The following CPEB1 variants were observed in gnomAD, a reference collection of about 807,000 sequenced individuals.
CPEB1 encodes the protein cytoplasmic polyadenylation element-binding protein 1.
Under a neutral mutation model 65.8 loss-of-function variants are expected in CPEB1, and 7 were observed. The observed-to-expected ratio is 0.11, with a 90% CI of 0.06 to 0.20. CPEB1 has a LOEUF of 0.20. Ranked by LOEUF, CPEB1 falls within the 10% of genes least tolerant of loss-of-function variation. CPEB1 has a pLI of 1.00. For missense variants in CPEB1, 551 were observed against 712.2 expected, an observed-to-expected ratio of 0.77 and a Z score of 2.58; for synonymous variants, 262 against 260.0, an observed-to-expected ratio of 1.01 and a Z score of -0.08.
chr15:82,544,805 T>A, intron 12 of CPEB1, 103 bp from the exon 13 acceptor site: 2 of 824,394 alleles, frequency 2.4e-6, no homozygotes, highest in South Asian at 1.5e-5. Flanking sequence ...GGTGGGAGAC[T>A]CCCGATGGCC....
intron 3 of CPEB1, among the ~76,000 whole-genome samples, chr15:82,600,809 AACG>A (rs2043037433): frequency 6.6e-6 from 1 of 152,036 alleles, no homozygotes; most frequent in Non-Finnish European, 1.5e-5. Context: ...AGCATAACAA[AACG>A]ACATGGGTTT....
At chr15:82,626,703 G>A (rs1241983786) in intron 3 of CPEB1, among the ~76,000 whole-genome samples, 1 of 152,134 alleles carries the variant, frequency 6.6e-6, no homozygotes, top group Admixed American at 6.5e-5. Context: ...GTCCAGTGCA[G>A]TAGCCACTAA....
At chr15:82,619,512 C>T (rs1329017315) in intron 3 of CPEB1, among the ~76,000 whole-genome samples, 10 of 151,992 alleles carry the variant, frequency 6.6e-5, no homozygotes, top group Admixed American at 6.6e-4. Context: ...ATCACAGACT[C>T]AAAGAAAATA....
upstream of CPEB1, chr15:82,648,447 C>T (rs1483444475): frequency 6.6e-6 from 1 of 152,432 alleles, no homozygotes; most frequent in African/African-American, 2.4e-5. Context: ...ACTTTAGACC[C>T]TCTGCTCCGT....
chr15:82,563,630 C>G (rs920400514), intron 4 of CPEB1, among the ~76,000 whole-genome samples: 1 of 151,740 alleles, frequency 6.6e-6, no homozygotes, highest in Non-Finnish European at 1.5e-5. Flanking sequence ...GTGTGAGCCT[C>G]CGTGCCTGGG....
At chr15:82,644,458 A>C (rs1460753997) in intron 1 of CPEB1, among the ~76,000 whole-genome samples, 1 of 152,216 alleles carries the variant, frequency 6.6e-6, no homozygotes, top group Non-Finnish European at 1.5e-5. Context: ...GGGAAATCCA[A>C]AACGGATGTT....
intron 1 of CPEB1, chr15:82,629,965 G>A (rs2046101641): frequency 2.0e-6 from 2 of 985,268 alleles, no homozygotes; most frequent in South Asian, 9.4e-5. Flanking sequence ...AATCCTACAA[G>A]GTTGTTTTCC....
At chr15:82,598,438 G>A (rs1026636355) in intron 3 of CPEB1, among the ~76,000 whole-genome samples, 1 of 152,036 alleles carries the variant, frequency 6.6e-6, no homozygotes, top group Non-Finnish European at 1.5e-5. Flanking sequence ...AGGTTGCAGT[G>A]AGCTGAGATT....
intron 3 of CPEB1, among the ~76,000 whole-genome samples, chr15:82,620,643 A>T (rs1009435258): frequency 1.3e-5 from 2 of 148,688 alleles, no homozygotes; most frequent in African/African-American, 2.5e-5. Flanking sequence ...ACAAAAACTT[A>T]AAAAAAAAAA....
chr15:82,580,744 G>A (rs1016563827), intron 3 of CPEB1, among the ~76,000 whole-genome samples: 6 of 151,966 alleles, frequency 3.9e-5, no homozygotes, highest in South Asian at 2.1e-4. Context: ...ACTATTGTAG[G>A]GACCTTGTAA....
At chr15:82,628,884 T>C in intron 1 of CPEB1, 1 of 165,810 alleles carries the variant, frequency 6.0e-6, no homozygotes, top group Non-Finnish European at 1.3e-5. Flanking sequence ...AAGAATACGG[T>C]ATAAAATACA....
chr15:82,585,923 T>C (rs563037668), intron 3 of CPEB1, among the ~76,000 whole-genome samples: 2 of 151,796 alleles, frequency 1.3e-5, no homozygotes, highest in African/African-American at 2.4e-5. Flanking sequence ...TAAATGAGAA[T>C]CTTGAGTGTC....
intron 3 of CPEB1, among the ~76,000 whole-genome samples, chr15:82,593,987 A>G (rs971661026): frequency 6.6e-6 from 1 of 152,240 alleles, no homozygotes; most frequent in Non-Finnish European, 1.5e-5. Flanking sequence ...TTCCATTTAT[A>G]GAGCACAGGC....
intron 1 of CPEB1, among the ~76,000 whole-genome samples, chr15:82,632,484 C>A (rs1021224985): frequency 3.9e-5 from 6 of 151,914 alleles, no homozygotes; most frequent in African/African-American, 1.5e-4. Flanking sequence ...ATTAGGGCTG[C>A]TCGACATGTG....
intron 1 of CPEB1, among the ~76,000 whole-genome samples, chr15:82,640,143 A>G (rs1265278110): frequency 1.3e-5 from 2 of 152,082 alleles, no homozygotes; most frequent in African/African-American, 4.8e-5. Context: ...GACCAGACAT[A>G]ACAGGCGTTT....
intron 3 of CPEB1, among the ~76,000 whole-genome samples, chr15:82,623,031 A>C (rs1277521460): frequency 6.6e-6 from 1 of 152,110 alleles, no homozygotes; most frequent in Non-Finnish European, 1.5e-5. Context: ...CCTCTTAGGG[A>C]TTCTCATTAC....
intron 1 of CPEB1, chr15:82,638,729 G>A (rs1405300264): frequency 6.6e-6 from 1 of 152,186 alleles, no homozygotes; most frequent in Non-Finnish European, 1.5e-5. Context: ...ACTTGGATAT[G>A]AAGCAAAAGT....
chr15:82,625,626 G>GTGGGTTT (rs1327062173), intron 3 of CPEB1, among the ~76,000 whole-genome samples: 3 of 152,110 alleles, frequency 2.0e-5, no homozygotes, highest in Non-Finnish European at 2.9e-5. Context: ...CTCCATACGT[G>GTGGGTTT]TGGGTTTTAC....
chr15:82,632,725 C>T (rs954722476), intron 1 of CPEB1, among the ~76,000 whole-genome samples: 1 of 151,634 alleles, frequency 6.6e-6, no homozygotes, highest in Non-Finnish European at 1.5e-5. Flanking sequence ...GAAAAGGTCT[C>T]GCTATGTTGT....
Sources: gnomAD v4.1 joint callset for allele counts (sites outside exome capture counted in the v4.1 genomes callset) on GRCh38, gnomAD v4.1.1 for gene constraint, MANE v1.5 for transcripts, NCBI Gene and HGNC (gene_info 2026-07-23, HGNC 2026-07-21) for gene names.